Variants in BCKDHB observed in about 807,000 individuals in gnomAD.
BCKDHB encodes branched chain keto acid dehydrogenase E1 subunit beta, also known as 2-oxoisovalerate dehydrogenase subunit beta, mitochondrial.
Under a neutral mutation model 48.5 loss-of-function variants are expected in BCKDHB, and 41 were observed. The observed-to-expected ratio is 0.85, with a 90% confidence interval of 0.66 to 1.10. The LOEUF (loss-of-function observed/expected upper bound fraction) is 1.10, where lower values mean the gene tolerates loss of function less well. Ranked by LOEUF, BCKDHB falls within the 50% of genes least tolerant of loss-of-function variation. BCKDHB has a pLI of 0.00. For missense variants in BCKDHB, 496 were observed against 494.2 expected (o/e 1.00, Z -0.03); for synonymous variants, 201 against 174.8 (o/e 1.15, Z -1.18).
intron 3 of BCKDHB, among the ~76,000 whole-genome samples, chr6:80,130,930 T>C (rs1414083341): frequency 6.6e-6 from 1 of 152,200 alleles, no homozygotes; most frequent in Non-Finnish European, 1.5e-5. Flanking sequence ...TGACTCAGTG[T>C]AGTAGCATGC....
intron 8 of BCKDHB, among the ~76,000 whole-genome samples, chr6:80,241,115 C>T (rs1776368287): frequency 6.6e-6 from 1 of 151,996 alleles, no homozygotes; most frequent in East Asian, 1.9e-4. Context: ...CATTTAAGGT[C>T]TTCTCTATGC....
chr6:80,356,837 T>C, the BCKDHB span: 3 of 151,898 alleles, frequency 2.0e-5, no homozygotes, highest in East Asian at 1.9e-4. Context: ...CAATAAAATA[T>C]GGTATTTTTT....
the BCKDHB span, among the ~76,000 whole-genome samples, chr6:80,360,069 T>C: frequency 1.1e-4 from 17 of 152,192 alleles, no homozygotes; most frequent in African/African-American, 4.1e-4. Flanking sequence ...AAATGGTGAT[T>C]GGAGGTGGTT....
At chr6:80,372,637 T>C in the BCKDHB span, among the ~76,000 whole-genome samples, 1 of 152,200 alleles carries the variant, frequency 6.6e-6, no homozygotes, top group Non-Finnish European at 1.5e-5. Context: ...ATGCCGATTT[T>C]GCTGAGGGTT....
the BCKDHB span, among the ~76,000 whole-genome samples, chr6:80,445,519 A>G: frequency 6.6e-6 from 1 of 152,218 alleles, no homozygotes; most frequent in Non-Finnish European, 1.5e-5. Flanking sequence ...GGCAGAGGTC[A>G]GGAGAACTAA....
At chr6:80,421,403 T>G in the BCKDHB span, among the ~76,000 whole-genome samples, 3 of 152,172 alleles carry the variant, frequency 2.0e-5, no homozygotes, top group Admixed American at 6.5e-5. Flanking sequence ...TACAGAGAAT[T>G]AGCACTGGGA....
chr6:80,404,704 T>C, the BCKDHB span, among the ~76,000 whole-genome samples: 1 of 152,090 alleles, frequency 6.6e-6, no homozygotes, highest in African/African-American at 2.4e-5. Flanking sequence ...GTTATTGCTA[T>C]AAACTTCTTA....
At chr6:80,405,858 G>A in the BCKDHB span, among the ~76,000 whole-genome samples, 1 of 152,104 alleles carries the variant, frequency 6.6e-6, no homozygotes, top group Admixed American at 6.6e-5. Context: ...TTAAGTTCTA[G>A]GGTACATGTG....
intron 3 of BCKDHB, among the ~76,000 whole-genome samples, chr6:80,155,734 T>C (rs1490249366): frequency 6.6e-6 from 1 of 152,042 alleles, no homozygotes; most frequent in Non-Finnish European, 1.5e-5. Context: ...ATTGAATTTC[T>C]TTTTTTCCCC....
chr6:80,177,276 TA>T (rs1047381357), intron 6 of BCKDHB, among the ~76,000 whole-genome samples: 5 of 119,030 alleles, frequency 4.2e-5, no homozygotes, highest in South Asian at 2.7e-4. Flanking sequence ...GGTTTCATAT[TA>T]AAAAAAAGGA....
At chr6:80,159,031 C>A (rs1191438542) in intron 3 of BCKDHB, among the ~76,000 whole-genome samples, 2 of 152,130 alleles carry the variant, frequency 1.3e-5, no homozygotes, top group African/African-American at 4.8e-5. Flanking sequence ...AGGGGAACAC[C>A]ATTTTCCCTT....
the BCKDHB span, among the ~76,000 whole-genome samples, chr6:80,425,389 A>T: frequency 1.3e-5 from 2 of 152,190 alleles, no homozygotes; most frequent in African/African-American, 2.4e-5. Flanking sequence ...ACCACCACAC[A>T]TCACTGAGAA....
At chr6:80,234,851 A>G (rs1776083594) in intron 8 of BCKDHB, among the ~76,000 whole-genome samples, 1 of 152,044 alleles carries the variant, frequency 6.6e-6, no homozygotes, top group Non-Finnish European at 1.5e-5. Context: ...ATATTAGACT[A>G]TTATTCAGCC....
chr6:80,326,323 T>C (rs79583027), intron 9 of BCKDHB, among the ~76,000 whole-genome samples: 14,092 of 152,178 alleles, frequency 0.093, 1,005 homozygotes, highest in South Asian at 0.24. Flanking sequence ...TTGGAGATCT[T>C]CTCTGTAATC....
At chr6:80,141,463 A>G (rs1771208954) in intron 3 of BCKDHB, among the ~76,000 whole-genome samples, 1 of 152,092 alleles carries the variant, frequency 6.6e-6, no homozygotes, top group African/African-American at 2.4e-5. Flanking sequence ...TTCTGTAACC[A>G]TTGTTTTCAA....
At chr6:80,358,105 A>AT in the BCKDHB span, among the ~76,000 whole-genome samples, 6 of 150,896 alleles carry the variant, frequency 4.0e-5, no homozygotes, top group South Asian at 4.2e-4. Flanking sequence ...TGTATATGTC[A>AT]TTTTTTTTTC....
chr6:80,456,866 A>G, the BCKDHB span, among the ~76,000 whole-genome samples: 2 of 152,244 alleles, frequency 1.3e-5, no homozygotes, highest in South Asian at 2.1e-4. Flanking sequence ...TTCCCTTCTT[A>G]GGACTAGTAC....
At chr6:80,458,058 G>A in the BCKDHB span, among the ~76,000 whole-genome samples, 1 of 152,126 alleles carries the variant, frequency 6.6e-6, no homozygotes, top group Non-Finnish European at 1.5e-5. Flanking sequence ...ATTCTCTTTT[G>A]TGTCTATCAC....
intron 1 of BCKDHB, among the ~76,000 whole-genome samples, chr6:80,109,480 T>C (rs1769304059): frequency 6.6e-6 from 1 of 152,228 alleles, no homozygotes; most frequent in African/African-American, 2.4e-5. Flanking sequence ...GGATTTTAAG[T>C]GCATAGTTCA....
Sources: gnomAD v4.1 joint callset for allele counts (sites outside exome capture counted in the v4.1 genomes callset) on GRCh38, gnomAD v4.1.1 for gene constraint, MANE v1.5 for transcripts, NCBI Gene and HGNC (gene_info 2026-07-23, HGNC 2026-07-21) for gene names.